MIGA1: variants seen among roughly 807,000 people sequenced by gnomAD.
The protein encoded by MIGA1 is mitoguardin 1, also known as family with sequence similarity 73, member A.
MIGA1 carries 58 observed loss-of-function variants against 82.0 expected under a neutral mutation model. That is an observed-to-expected ratio of 0.71 (90% CI 0.57 to 0.88). The LOEUF (loss-of-function observed/expected upper bound fraction) is 0.88, where lower values mean the gene tolerates loss of function less well. Among genes scored for constraint, MIGA1 ranks in the 40% least tolerant of loss-of-function variants. MIGA1 has a pLI of 0.00. For missense variants in MIGA1, 751 were observed against 749.1 expected, an observed-to-expected ratio of 1.00 and a Z score of -0.03; for synonymous variants, 249 against 253.6, an observed-to-expected ratio of 0.98 and a Z score of 0.17.
chr1:77,810,531 T>C (rs1171378205), intron 5 of MIGA1, among the ~76,000 whole-genome samples: 1 of 149,728 alleles, frequency 6.7e-6, no homozygotes, highest in Non-Finnish European at 1.5e-5. Flanking sequence ...AGTCTGAAGA[T>C]GAGCACATCC....
chr1:77,809,515 C>T (rs1259373863), intron 5 of MIGA1, among the ~76,000 whole-genome samples: 1 of 151,814 alleles, frequency 6.6e-6, no homozygotes, highest in Admixed American at 6.6e-5. Flanking sequence ...TGGGAGGATC[C>T]CTTGAGCACA....
intron 5 of MIGA1, chr1:77,811,351 G>C (rs902344616): frequency 3.0e-5 from 49 of 1,606,940 alleles, no homozygotes; most frequent in Non-Finnish European, 3.7e-5. Flanking sequence ...AGAATCAGGA[G>C]ACCCTGCTCC....
intron 7 of MIGA1, among the ~76,000 whole-genome samples, chr1:77,815,914 G>A (rs1012859946): frequency 2.6e-5 from 4 of 151,738 alleles, no homozygotes; most frequent in Admixed American, 2.0e-4. Context: ...AATTTTTTTT[G>A]TGGAGACAAG....
chr1:77,832,555 A>G (rs1001833584), intron 7 of MIGA1, among the ~76,000 whole-genome samples: 1 of 152,234 alleles, frequency 6.6e-6, no homozygotes, highest in African/African-American at 2.4e-5. Flanking sequence ...AGGAGGAGTG[A>G]CACTTAAAGA....
intron 7 of MIGA1, among the ~76,000 whole-genome samples, chr1:77,817,266 G>A (rs2101810801): frequency 6.6e-6 from 1 of 152,268 alleles, no homozygotes; most frequent in Non-Finnish European, 1.5e-5. Context: ...ATACCTCTGG[G>A]CATGTGGCTT....
chr1:77,844,113 A>AAAAAT (rs1296124524), intron 8 of MIGA1, among the ~76,000 whole-genome samples: 21 of 90,130 alleles, frequency 2.3e-4, no homozygotes, highest in East Asian at 6.3e-4. Context: ...AAAAAAAAAA[A>AAAAAT]ATATATATAT....
intron 2 of MIGA1, among the ~76,000 whole-genome samples, chr1:77,799,706 C>A (rs76313985): frequency 0.012 from 1,735 of 150,754 alleles, 26 homozygotes; most frequent in African/African-American, 0.04. Flanking sequence ...CCTTTGTGGT[C>A]ATAGAATTGT....
intron 6 of MIGA1, among the ~76,000 whole-genome samples, chr1:77,814,850 C>CT (rs950873752): frequency 6.6e-6 from 1 of 152,144 alleles, no homozygotes; most frequent in Non-Finnish European, 1.5e-5. Flanking sequence ...AAGGACCTTA[C>CT]TTTGAGAACT....
At chr1:77,820,002 A>T (rs1253352365) in intron 7 of MIGA1, among the ~76,000 whole-genome samples, 1 of 152,094 alleles carries the variant, frequency 6.6e-6, no homozygotes, top group African/African-American at 2.4e-5. Flanking sequence ...TATACCCAAA[A>T]TTCCCTGTAG....
chr1:77,828,398 G>A (rs1684110874), intron 7 of MIGA1, among the ~76,000 whole-genome samples: 1 of 152,106 alleles, frequency 6.6e-6, no homozygotes, highest in African/African-American at 2.4e-5. Context: ...ATTCTCATGT[G>A]CATTTCTGCT....
chr1:77,806,489 A>G (rs1683105185), intron 4 of MIGA1, among the ~76,000 whole-genome samples: 1 of 152,220 alleles, frequency 6.6e-6, no homozygotes, highest in African/African-American at 2.4e-5. Flanking sequence ...GGAGTTAGGA[A>G]TTTGAGAATC....
intron 2 of MIGA1, among the ~76,000 whole-genome samples, chr1:77,799,262 A>G (rs969578307): frequency 2.6e-5 from 4 of 152,156 alleles, no homozygotes; most frequent in Non-Finnish European, 4.4e-5. Flanking sequence ...ATTTGACATA[A>G]TGTACGGTAT....
chr1:77,828,976 C>T (rs1684136361), intron 7 of MIGA1, among the ~76,000 whole-genome samples: 1 of 152,142 alleles, frequency 6.6e-6, no homozygotes, highest in Non-Finnish European at 1.5e-5. Context: ...TGTACCTGGT[C>T]CCAGATATTT....
chr1:77,819,758 T>C (rs1052086410), intron 7 of MIGA1, among the ~76,000 whole-genome samples: 1 of 151,970 alleles, frequency 6.6e-6, no homozygotes, highest in Non-Finnish European at 1.5e-5. Context: ...TAATTTTTAT[T>C]TTGGGTAGAG....
At chr1:77,859,641 G>A (rs1685391122) in intron 10 of MIGA1, 1 of 424,636 alleles carries the variant, frequency 2.4e-6, no homozygotes, top group South Asian at 6.0e-5. Context: ...CTTCAGGAGT[G>A]TAAAAATGGC....
intron 2 of MIGA1, among the ~76,000 whole-genome samples, chr1:77,785,345 ATT>A (rs781571362): frequency 6.9e-6 from 1 of 145,402 alleles, no homozygotes. Flanking sequence ...GCAGTCAAAA[ATT>A]TTTTTTTTTT....
chr1:77,830,825 TATTTGCTGTGTACCTGACACAGCA>T (rs1367613843), intron 7 of MIGA1, among the ~76,000 whole-genome samples: 1 of 152,212 alleles, frequency 6.6e-6, no homozygotes, highest in Non-Finnish European at 1.5e-5. Flanking sequence ...AGTATTTATT[TATTTGCTGTGTACCTGACACAGCA>T]AACAAATACT....
intron 10 of MIGA1, 200 bp downstream of exon 10, chr1:77,859,586 G>T: frequency 1.9e-6 from 1 of 513,256 alleles, no homozygotes; most frequent in Non-Finnish European, 3.5e-6. Context: ...CTCTCCCATG[G>T]CTTCCCAGGC....
At chr1:77,862,495 G>A (rs1349211141) in intron 12 of MIGA1, among the ~76,000 whole-genome samples, 1 of 152,134 alleles carries the variant, frequency 6.6e-6, no homozygotes, top group Non-Finnish European at 1.5e-5. Context: ...GCTCACGCCT[G>A]TAATCCCAGC....
Sources: allele counts gnomAD v4.1 joint callset (sites outside exome capture counted in the v4.1 genomes callset), GRCh38; gene constraint gnomAD v4.1.1; transcripts MANE v1.5; gene names NCBI Gene and HGNC (gene_info 2026-07-23, HGNC 2026-07-21).